The following LRRC37A2 variants were observed in gnomAD, a reference collection of about 807,000 sequenced individuals.
LRRC37A2 encodes leucine rich repeat containing 37 member A2.
LRRC37A2 carries 9 observed loss-of-function variants against 68.8 expected under a neutral mutation model. The ratio of observed to expected loss-of-function variants is 0.13; its 90% CI spans 0.08 to 0.23. The LOEUF is 0.23. Among genes scored for constraint, LRRC37A2 ranks in the 10% least tolerant of loss-of-function variants. The probability of loss-of-function intolerance (pLI) is 1.00; values close to 1 mark genes in which losing one functional copy is unlikely to be tolerated. For missense variants in LRRC37A2, 168 were observed against 950.4 expected, an observed-to-expected ratio of 0.18 and a Z score of 10.82; for synonymous variants, 63 against 367.6, an observed-to-expected ratio of 0.17 and a Z score of 9.48.
the LRRC37A2 span, chr17:46,763,387 C>T: frequency 1.3e-5 from 2 of 152,166 alleles, no homozygotes; most frequent in Non-Finnish European, 2.9e-5. Flanking sequence ...GCTGGTTCCC[C>T]TTTGAACTTC....
At chr17:46,771,827 G>A in the LRRC37A2 span, among the ~76,000 whole-genome samples, 1 of 144,028 alleles carries the variant, frequency 6.9e-6, no homozygotes, top group Non-Finnish European at 1.5e-5. Context: ...GCGGCCGCGC[G>A]GTGGGGGGGC....
the LRRC37A2 span, among the ~76,000 whole-genome samples, chr17:46,850,318 G>C: frequency 6.6e-6 from 1 of 152,340 alleles, no homozygotes; most frequent in African/African-American, 2.4e-5. Flanking sequence ...TGGCAGAGCT[G>C]TTAGGAATCA....
At chr17:46,731,853 A>G in the LRRC37A2 span, among the ~76,000 whole-genome samples, 2 of 152,198 alleles carry the variant, frequency 1.3e-5, no homozygotes, top group African/African-American at 4.8e-5. Context: ...TAATATTTGT[A>G]GTATTTCTAG....
chr17:46,777,988 T>C, the LRRC37A2 span, among the ~76,000 whole-genome samples: 1 of 152,198 alleles, frequency 6.6e-6, no homozygotes, highest in South Asian at 2.1e-4. Flanking sequence ...TAGCTGCTGA[T>C]CTCAGCAATT....
At chr17:47,006,741 T>C in the LRRC37A2 span, among the ~76,000 whole-genome samples, 5 of 152,240 alleles carry the variant, frequency 3.3e-5, no homozygotes. Context: ...GACGTGCTTC[T>C]TCACACCTTA....
At chr17:47,036,453 A>C in the LRRC37A2 span, among the ~76,000 whole-genome samples, 1 of 152,326 alleles carries the variant, frequency 6.6e-6, no homozygotes, top group Non-Finnish European at 1.5e-5. Flanking sequence ...TGTTTGTCTA[A>C]GAGTCTTATC....
At chr17:46,800,021 G>A in the LRRC37A2 span, among the ~76,000 whole-genome samples, 1 of 149,768 alleles carries the variant, frequency 6.7e-6, no homozygotes, top group African/African-American at 2.5e-5. Flanking sequence ...GGGGAGTGCT[G>A]TCCCAGAGAG....
chr17:47,008,610 C>T, the LRRC37A2 span, among the ~76,000 whole-genome samples: 1 of 151,926 alleles, frequency 6.6e-6, no homozygotes, highest in Non-Finnish European at 1.5e-5. Flanking sequence ...AGGCATACCA[C>T]CATGCCTGGC....
At chr17:46,904,554 T>G in the LRRC37A2 span, among the ~76,000 whole-genome samples, 1 of 151,502 alleles carries the variant, frequency 6.6e-6, no homozygotes, top group Admixed American at 6.6e-5. Context: ...GATGAACGGG[T>G]AGCTGGCTGG....
At chr17:46,943,543 C>G in the LRRC37A2 span, among the ~76,000 whole-genome samples, 1 of 152,272 alleles carries the variant, frequency 6.6e-6, no homozygotes, top group Non-Finnish European at 1.5e-5. Context: ...CAAACAACCT[C>G]ATACTGCACG....
chr17:46,784,345 C>A, the LRRC37A2 span, among the ~76,000 whole-genome samples: 1 of 152,132 alleles, frequency 6.6e-6, no homozygotes, highest in Admixed American at 6.5e-5. Context: ...CTTCCAGGCA[C>A]CACGTAGAGA....
intron 6 of LRRC37A2, among the ~76,000 whole-genome samples, chr17:46,533,523 A>G (rs1347253407): frequency 3.0e-5 from 4 of 132,836 alleles, no homozygotes; most frequent in African/African-American, 6.5e-5. Flanking sequence ...TTATTTTGGG[A>G]CAGAGTCTCA....
chr17:46,749,565 G>T, the LRRC37A2 span, among the ~76,000 whole-genome samples: 1 of 152,190 alleles, frequency 6.6e-6, no homozygotes, highest in Non-Finnish European at 1.5e-5. Flanking sequence ...AGAAGGAGCT[G>T]TTCACATGTT....
At chr17:46,797,028 G>T in the LRRC37A2 span, among the ~76,000 whole-genome samples, 34 of 152,102 alleles carry the variant, frequency 2.2e-4, no homozygotes, top group Non-Finnish European at 4.1e-4. Flanking sequence ...TGGGAAAAGG[G>T]CTCCAAGGTT....
chr17:46,503,273 T>C, the LRRC37A2 span, among the ~76,000 whole-genome samples: 1 of 147,960 alleles, frequency 6.8e-6, no homozygotes. Flanking sequence ...TTCTCTTCAG[T>C]GGGAAAAAGT....
chr17:46,923,163 G>T, the LRRC37A2 span: 1 of 1,451,428 alleles, frequency 6.9e-7, no homozygotes, highest in East Asian at 2.5e-5. Flanking sequence ...GGAAGCCAGA[G>T]CCGGAGCCGT....
At chr17:46,748,949 A>G in the LRRC37A2 span, among the ~76,000 whole-genome samples, 1 of 152,202 alleles carries the variant, frequency 6.6e-6, no homozygotes, top group Admixed American at 6.5e-5. Flanking sequence ...AGATTTAACT[A>G]AAGACTGTGA....
chr17:46,816,894 G>A, the LRRC37A2 span, among the ~76,000 whole-genome samples: 1 of 152,214 alleles, frequency 6.6e-6, no homozygotes, highest in Non-Finnish European at 1.5e-5. Flanking sequence ...GGCCGGGTGA[G>A]GCTGGACTGG....
At chr17:46,962,285 C>T in the LRRC37A2 span, among the ~76,000 whole-genome samples, 2 of 151,404 alleles carry the variant, frequency 1.3e-5, no homozygotes, top group Non-Finnish European at 2.9e-5. Context: ...GCCGAGATTG[C>T]GCCACTGCAC....
Sources: gnomAD v4.1 joint callset for allele counts (sites outside exome capture counted in the v4.1 genomes callset) on GRCh38, gnomAD v4.1.1 for gene constraint, MANE v1.5 for transcripts, NCBI Gene and HGNC (gene_info 2026-07-23, HGNC 2026-07-21) for gene names.